Variants in PCSK2 observed in about 807,000 individuals in gnomAD.
PCSK2 encodes the protein proprotein convertase subtilisin/kexin type 2.
PCSK2 carries 14 observed loss-of-function variants against 69.7 expected under a neutral mutation model. The observed-to-expected ratio is 0.20, with a 90% CI of 0.13 to 0.31. The LOEUF is 0.31. Ranked by LOEUF, PCSK2 falls within the 10% of genes least tolerant of loss-of-function variation. PCSK2 has a pLI of 1.00. For missense variants in PCSK2, 544 were observed against 842.5 expected, an observed-to-expected ratio of 0.65 and a Z score of 4.39; for synonymous variants, 307 against 320.7, an observed-to-expected ratio of 0.96 and a Z score of 0.46.
chr20:17,433,952 T>G (rs1166095526), intron 7 of PCSK2, among the ~76,000 whole-genome samples: 1 of 124,704 alleles, frequency 8.0e-6, no homozygotes, highest in Non-Finnish European at 1.7e-5. Context: ...TCTCTCTACC[T>G]TCTCTCTCCT....
rs1989070976 is a variant in PCSK2, at chr20:17,301,204, A to T, written c.282+40860A>T. Among the ~76,000 whole-genome samples the T allele has an allele frequency of 2.0e-5, 3 of 152,194 alleles. No individual in the cohort carries two copies. The South Asian group carries it at 6.2e-4, about 32-fold the overall frequency. On this transcript the variant is annotated intron_variant, in intron 2 of 11. Coordinates refer to ENST00000262545, the MANE Select transcript of PCSK2 (RefSeq NM_002594.5). ...TGGGAATGTGAACTTAGGTCTTAGG[A>T]TAAAATTTCCAGCACTGGCTGGATG...
chr20:17,461,135 A>G (rs769276057), intron 10 of PCSK2, among the ~76,000 whole-genome samples: 1 of 152,050 alleles, frequency 6.6e-6, no homozygotes, highest in East Asian at 1.9e-4. Flanking sequence ...TCTTCCTCAA[A>G]CATGATGCAC....
intron 2 of PCSK2, among the ~76,000 whole-genome samples, chr20:17,286,627 T>C (rs185361117): frequency 4.8e-4 from 73 of 152,360 alleles, no homozygotes; most frequent in Non-Finnish European, 9.6e-4. Flanking sequence ...AGCAATGCTT[T>C]GGATATTACC....
chr20:17,450,309 T>A (rs6034832), intron 8 of PCSK2, among the ~76,000 whole-genome samples: 2 of 151,800 alleles, frequency 1.3e-5, no homozygotes, highest in Non-Finnish European at 2.9e-5. Flanking sequence ...ATTACAGGCA[T>A]GAGACACCGC....
At chr20:17,371,718 C>T (rs1485656527) in intron 5 of PCSK2, among the ~76,000 whole-genome samples, 1 of 151,862 alleles carries the variant, frequency 6.6e-6, no homozygotes, top group African/African-American at 2.4e-5. Flanking sequence ...GCTTGATGTG[C>T]CATAAACATT....
intron 5 of PCSK2, among the ~76,000 whole-genome samples, chr20:17,392,222 G>T (rs2031401156): frequency 6.6e-6 from 1 of 152,164 alleles, no homozygotes; most frequent in Non-Finnish European, 1.5e-5. Context: ...GAAATGACCT[G>T]ACAGGAAAGA....
At chr20:17,303,522 AT>A (rs1568593829) in intron 2 of PCSK2, among the ~76,000 whole-genome samples, 2 of 26,476 alleles carry the variant, frequency 7.6e-5, no homozygotes, top group Admixed American at 7.0e-4. Context: ...ATATAATATA[AT>A]ATATATTATA....
intron 2 of PCSK2, among the ~76,000 whole-genome samples, chr20:17,296,866 A>C (rs1466704089): frequency 2.6e-5 from 4 of 152,230 alleles, no homozygotes; most frequent in Non-Finnish European, 4.4e-5. Context: ...ATGTATGTCT[A>C]AAGATCCTCC....
chr20:17,382,157 T>C (rs73257647), intron 5 of PCSK2, among the ~76,000 whole-genome samples: 7 of 152,254 alleles, frequency 4.6e-5, no homozygotes, highest in African/African-American at 2.4e-5. Context: ...ATGAGAACCA[T>C]GTGTTGTCTC....
chr20:17,424,975 C>T (rs1466167736), intron 6 of PCSK2, among the ~76,000 whole-genome samples: 3 of 151,664 alleles, frequency 2.0e-5, no homozygotes, highest in South Asian at 2.1e-4. Context: ...TTAGTAGAGA[C>T]GGGGTTTCCA....
chr20:17,298,889 T>C (rs1230557627), intron 2 of PCSK2, among the ~76,000 whole-genome samples: 2 of 152,188 alleles, frequency 1.3e-5, no homozygotes, highest in African/African-American at 4.8e-5. Context: ...TTTGCACATG[T>C]TACACTTCCA....
intron 1 of PCSK2, among the ~76,000 whole-genome samples, chr20:17,240,372 A>T (rs967495520): frequency 6.6e-6 from 1 of 152,102 alleles, no homozygotes. Context: ...GGAGGCTGGG[A>T]TGTTTAACCT....
chr20:17,383,226 C>T (rs1025425567), intron 5 of PCSK2, among the ~76,000 whole-genome samples: 51 of 152,166 alleles, frequency 3.4e-4, no homozygotes, highest in African/African-American at 1.2e-3. Flanking sequence ...GCCATGCTTT[C>T]TCCTCACATA....
At chr20:17,318,274 G>A (rs1989750766) in intron 2 of PCSK2, among the ~76,000 whole-genome samples, 1 of 152,172 alleles carries the variant, frequency 6.6e-6, no homozygotes, top group African/African-American at 2.4e-5. Context: ...AGTCTTTTAT[G>A]CACTGTTTAG....
At position 17,409,351 on chromosome 20, in the gene PCSK2, C is replaced by CT; in HGVS notation, c.620+14dup. On this transcript the variant is annotated intron_variant, in intron 6 of 11. Transcript: ENST00000262545. ...GACTGGTTTAACAGGTAAACTGGGCCTTGGGAGGTCTCTTTGACTTTAGGC... is the reference window on the plus strand; with the variant it reads ...GACTGGTTTAACAGGTAAACTGGGCCTTTGGGAGGTCTCTTTGACTTTAGGC... The CT allele has an allele frequency of 6.3e-7, 1 of 1,585,126 alleles. No individual in the cohort carries two copies. The highest frequency in any genetic ancestry group is 8.7e-7 in the Non-Finnish European group (1 of 1,153,652).
chr20:17,386,008 G>A (rs932055376), intron 5 of PCSK2, among the ~76,000 whole-genome samples: 9 of 152,186 alleles, frequency 5.9e-5, no homozygotes, highest in African/African-American at 1.4e-4. Context: ...GCTGACAGAT[G>A]GAAGTTGTGT....
chr20:17,386,829 TA>T (rs1372669632), intron 5 of PCSK2, among the ~76,000 whole-genome samples: 4 of 152,162 alleles, frequency 2.6e-5, no homozygotes, highest in Non-Finnish European at 5.9e-5. Flanking sequence ...TAAATCAAGG[TA>T]AAACAAGGCT....
chr20:17,391,140 T>A (rs942204196), intron 5 of PCSK2, among the ~76,000 whole-genome samples: 6 of 152,226 alleles, frequency 3.9e-5, no homozygotes, highest in Non-Finnish European at 7.3e-5. Flanking sequence ...AGTCAAGTAG[T>A]ACATGCAATA....
intron 5 of PCSK2, among the ~76,000 whole-genome samples, chr20:17,397,124 T>A (rs2031528079): frequency 6.6e-6 from 1 of 152,246 alleles, no homozygotes; most frequent in Non-Finnish European, 1.5e-5. Flanking sequence ...CTTACTATAC[T>A]GTTAACTTTT....
Sources: gnomAD v4.1 joint callset for allele counts (sites outside exome capture counted in the v4.1 genomes callset) on GRCh38, gnomAD v4.1.1 for gene constraint, MANE v1.5 for transcripts, NCBI Gene and HGNC (gene_info 2026-07-23, HGNC 2026-07-21) for gene names.